GNG4: variants seen among roughly 807,000 people sequenced by gnomAD.
GNG4 encodes G protein subunit gamma 4, also known as guanine nucleotide-binding protein G(I)/G(S)/G(O) subunit gamma-4.
In GNG4, 4 loss-of-function variants were observed where a neutral mutation model predicts 5.8. The observed-to-expected ratio is 0.69, with a 90% CI of 0.34 to 1.57. The LOEUF (loss-of-function observed/expected upper bound fraction) is 1.57. Ranked by LOEUF, GNG4 falls within the 40% of genes most tolerant of loss-of-function variation. The pLI is 0.06. For missense variants in GNG4, 96 were observed against 95.1 expected, an observed-to-expected ratio of 1.01 and a Z score of -0.04; for synonymous variants, 29 against 32.9, an observed-to-expected ratio of 0.88 and a Z score of 0.41.
intron 1 of GNG4, among the ~76,000 whole-genome samples, chr1:235,605,957 G>C (rs575945626): frequency 3.8e-5 from 5 of 131,946 alleles, no homozygotes; most frequent in Admixed American, 1.5e-4. Context: ...TGAGAGTGTG[G>C]GGGGGTGGGT....
chr1:235,607,776 G>A (rs923599927), intron 1 of GNG4, among the ~76,000 whole-genome samples: 4 of 152,072 alleles, frequency 2.6e-5, no homozygotes, highest in Non-Finnish European at 5.9e-5. Context: ...GAAGTCATGA[G>A]GCCACCCTCC....
chr1:235,638,807 C>T (rs1308732569), intron 1 of GNG4, among the ~76,000 whole-genome samples: 1 of 152,162 alleles, frequency 6.6e-6, no homozygotes, highest in Non-Finnish European at 1.5e-5. Context: ...TTTCCAGCTT[C>T]ATCCATGTCC....
At chr1:235,600,562 C>T (rs1688239321) in intron 1 of GNG4, among the ~76,000 whole-genome samples, 2 of 151,998 alleles carry the variant, frequency 1.3e-5, no homozygotes, top group Admixed American at 6.6e-5. Context: ...ACCTCAGCGT[C>T]TGGAGTAGTT....
At chr1:235,559,880 C>T (rs2102915886) in intron 3 of GNG4, among the ~76,000 whole-genome samples, 1 of 152,300 alleles carries the variant, frequency 6.6e-6, no homozygotes, top group East Asian at 1.9e-4. Context: ...TGTAATATCA[C>T]CAAATTAACT....
chr1:235,637,653 CA>C (rs5781837), intron 1 of GNG4, among the ~76,000 whole-genome samples: 5,682 of 116,194 alleles, frequency 0.049, 106 homozygotes, highest in African/African-American at 0.091. Flanking sequence ...GACCTTGTCT[CA>C]AAAAAAAAAA....
Position 235,563,464 on chromosome 1 carries a change from T to C in GNG4, c.100-11227A>G, listed in dbSNP as rs552835803. Among the ~76,000 whole-genome samples, 16 of 146,778 alleles carry C rather than the reference T, an allele frequency of 1.1e-4. No homozygotes were observed. In the East Asian group the frequency reaches 3.0e-3, roughly 28 times the overall value. ...TATCTTTATAGCCTTAATATGTTTA[T>C]AATGTTAATCAATTTCAGAAATGAA... On this transcript the variant is annotated intron_variant, in intron 3 of 3. Transcript: ENST00000391854.
intron 3 of GNG4, among the ~76,000 whole-genome samples, chr1:235,580,618 C>A (rs1687603911): frequency 6.6e-6 from 1 of 152,146 alleles, no homozygotes; most frequent in African/African-American, 2.4e-5. Flanking sequence ...TCTGACACAG[C>A]TGTCACTGGC....
chr1:235,610,379 G>A (rs1260242646), intron 1 of GNG4, among the ~76,000 whole-genome samples: 1 of 152,202 alleles, frequency 6.6e-6, no homozygotes, highest in Non-Finnish European at 1.5e-5. Flanking sequence ...TTAAGGTGGT[G>A]TCTGCCAAGT....
intron 1 of GNG4, among the ~76,000 whole-genome samples, chr1:235,598,846 C>T (rs746094647): frequency 5.9e-5 from 9 of 151,994 alleles, no homozygotes; most frequent in Non-Finnish European, 1.0e-4. Flanking sequence ...CTGCCTCAGC[C>T]TCCCAAGTAC....
chr1:235,592,122 C>T (rs2102952380), intron 2 of GNG4, among the ~76,000 whole-genome samples: 1 of 152,264 alleles, frequency 6.6e-6, no homozygotes, highest in African/African-American at 2.4e-5. Flanking sequence ...TTTTCAGAAA[C>T]CCGGCCCCCT....
rs771802388 is a variant in GNG4 at position 235,586,290 on chromosome 1, CAT to C, written c.-10-2444_-10-2443del. Among the ~76,000 whole-genome samples the C allele has an allele frequency of 1.0e-3, 154 of 152,084 alleles. 2 individuals are homozygous for C. The highest frequency in any genetic ancestry group is 1.4e-3 in the East Asian group (7 of 5,182). ...GCAGAACTGTGCACGCGTTCCTGCACATGTGTTGGTGTGTCCTTGGGTGTGTC... is the reference window on the plus strand; with the variant it reads ...GCAGAACTGTGCACGCGTTCCTGCACGTGTTGGTGTGTCCTTGGGTGTGTC... On this transcript the variant is annotated intron_variant, in intron 2 of 3. Coordinates refer to ENST00000391854, the MANE Select transcript of GNG4 (RefSeq NM_001098722.2).
intron 3 of GNG4, among the ~76,000 whole-genome samples, chr1:235,568,175 A>C (rs1285838345): frequency 1.4e-5 from 2 of 146,390 alleles, no homozygotes; most frequent in African/African-American, 2.6e-5. Flanking sequence ...TTTTAAACCT[A>C]TGACTGCCTT....
intron 3 of GNG4, among the ~76,000 whole-genome samples, chr1:235,582,821 G>A (rs1476576786): frequency 1.3e-5 from 2 of 152,140 alleles, no homozygotes; most frequent in East Asian, 1.9e-4. Context: ...AACTTTCCGT[G>A]CATATTTTCT....
At chr1:235,576,227 A>AT (rs11403820) in intron 3 of GNG4, among the ~76,000 whole-genome samples, 109,912 of 148,812 alleles carry the variant, frequency 0.74, 41,607 homozygotes, top group African/African-American at 0.91. Context: ...TGCCGGGCTA[A>AT]TTTTTTTTTT....
intron 1 of GNG4, among the ~76,000 whole-genome samples, chr1:235,606,305 C>T (rs1173926448): frequency 6.6e-6 from 1 of 152,138 alleles, no homozygotes; most frequent in Non-Finnish European, 1.5e-5. Context: ...TCGCTTGAAC[C>T]CAGGAGGCAG....
At chr1:235,640,368 C>T (rs555944504) in intron 1 of GNG4, among the ~76,000 whole-genome samples, 1 of 152,292 alleles carries the variant, frequency 6.6e-6, no homozygotes, top group African/African-American at 2.4e-5. Context: ...TTCCCGGACC[C>T]TAGCCCAGAC....
chr1:235,643,389 CAGAA>C (rs546753422), intron 1 of GNG4, among the ~76,000 whole-genome samples: 17 of 152,314 alleles, frequency 1.1e-4, no homozygotes, highest in African/African-American at 3.8e-4. Context: ...GCACTGCTAT[CAGAA>C]AGAACTAACA....
rs560229418 is a variant in GNG4, at chr1:235,551,947, T to C, written c.*162A>G. Reference sequence around the variant, plus strand: ...AAAATGAAAAGGAAAAAAATGAAATTGAATGCCACGAAGAAAACAGATGGA... The same window carrying C: ...AAAATGAAAAGGAAAAAAATGAAATCGAATGCCACGAAGAAAACAGATGGA... On this transcript the variant is annotated 3_prime_UTR_variant, in exon 4 of 4. Coordinates refer to ENST00000391854, the MANE Select transcript of GNG4 (RefSeq NM_001098722.2). 1.2e-4 allele frequency: 66 copies of C among 533,264 alleles called. No homozygotes were observed. The highest frequency in any genetic ancestry group is 1.2e-3 in the African/African-American group (65 of 52,684). The allele number at this position is 533,264 out of a possible 1,614,324, so 33.0% of individuals were successfully genotyped here.
intron 3 of GNG4, among the ~76,000 whole-genome samples, chr1:235,559,068 A>G (rs1388560128): frequency 6.6e-6 from 1 of 152,214 alleles, no homozygotes; most frequent in Non-Finnish European, 1.5e-5. Context: ...TGGCTGTGAC[A>G]CCCACTGCAT....
Sources: gnomAD v4.1 joint callset for allele counts (sites outside exome capture counted in the v4.1 genomes callset) on GRCh38, gnomAD v4.1.1 for gene constraint, MANE v1.5 for transcripts, NCBI Gene and HGNC (gene_info 2026-07-23, HGNC 2026-07-21) for gene names.